Variants in PBX3 observed in about 807,000 individuals in gnomAD.
PBX3 encodes the protein pre-B-cell leukemia transcription factor 3.
A neutral mutation model predicts 48.5 loss-of-function variants in PBX3; 14 were observed. The observed-to-expected ratio is 0.29, with a 90% CI of 0.19 to 0.45. The LOEUF is 0.45. Among genes scored for constraint, PBX3 ranks in the 20% least tolerant of loss-of-function variants. The probability of loss-of-function intolerance (pLI) is 1.00; values close to 1 mark genes in which losing one functional copy is unlikely to be tolerated. For synonymous variants in PBX3, 210 were observed against 200.3 expected, an observed-to-expected ratio of 1.05 and a Z score of -0.41; for missense variants, 386 against 546.7, an observed-to-expected ratio of 0.71 and a Z score of 2.93.
At chr9:125,825,374 T>A (rs1238781849) in intron 2 of PBX3, among the ~76,000 whole-genome samples, 5 of 152,292 alleles carry the variant, frequency 3.3e-5, no homozygotes, top group South Asian at 2.1e-4. Context: ...AATTTAAAAA[T>A]TTTATTAGTT....
At chr9:125,910,730 C>T (rs1841184464) in intron 2 of PBX3, among the ~76,000 whole-genome samples, 1 of 150,224 alleles carries the variant, frequency 6.7e-6, no homozygotes, top group African/African-American at 2.5e-5. Context: ...GTGGGATGGG[C>T]TTTGGGGCCA....
chr9:125,954,596 C>T (rs1219834875), intron 5 of PBX3, among the ~76,000 whole-genome samples: 1 of 152,116 alleles, frequency 6.6e-6, no homozygotes, highest in African/African-American at 2.4e-5. Flanking sequence ...AGTGCAGTGG[C>T]GCAATCTTGG....
intron 2 of PBX3, among the ~76,000 whole-genome samples, chr9:125,894,220 T>C (rs569565967): frequency 1.1e-4 from 17 of 152,310 alleles, no homozygotes; most frequent in South Asian, 6.2e-4. Context: ...ACCCAAGCCA[T>C]AGAAGGTGGG....
At chr9:125,928,270 T>C (rs1234747116) in intron 3 of PBX3, among the ~76,000 whole-genome samples, 6 of 151,972 alleles carry the variant, frequency 3.9e-5, no homozygotes, top group African/African-American at 7.3e-5. Context: ...TCACAGCTAC[T>C]TGGGAAGCTG....
At chr9:125,960,529 C>G (rs1179619112) in intron 5 of PBX3, among the ~76,000 whole-genome samples, 155 bp from the exon 6 acceptor site, 1 of 152,122 alleles carries the variant, frequency 6.6e-6, no homozygotes, top group Non-Finnish European at 1.5e-5. Context: ...AGAAAATAAC[C>G]CCCAAAACCA....
intron 2 of PBX3, among the ~76,000 whole-genome samples, chr9:125,796,643 T>C (rs950424719): frequency 2.6e-5 from 4 of 152,186 alleles, no homozygotes; most frequent in African/African-American, 7.2e-5. Flanking sequence ...TCCCTCTCCT[T>C]CTTTAAATCA....
chr9:125,866,685 G>T (rs1839989915), intron 2 of PBX3, among the ~76,000 whole-genome samples: 3 of 152,158 alleles, frequency 2.0e-5, no homozygotes, highest in Non-Finnish European at 4.4e-5. Context: ...CTCGTTTCTA[G>T]CTAACAGGGC....
Position 125,960,788 on chromosome 9 carries a change from A to G in PBX3, c.948A>G (p.Ala316=). The part of the protein sequence containing the change: ...LYAAKTAVTA[A]HAVAAAVQNN... Reference sequence around the variant, plus strand: ...CTGCAAAGACGGCCGTGACAGCTGCACACGCAGTAGCAGCAGCTGTGCAGA... The same window carrying G: ...CTGCAAAGACGGCCGTGACAGCTGCGCACGCAGTAGCAGCAGCTGTGCAGA... Residue 316 remains alanine, a synonymous_variant, in exon 6 of 9, where the codon GCA becomes GCG. Coordinates refer to ENST00000373489, the MANE Select transcript of PBX3 (RefSeq NM_006195.6). 1.4e-5 allele frequency: 22 copies of G among 1,614,206 alleles called. No individual in the cohort carries two copies. Among genetic ancestry groups the G allele is most frequent in the Non-Finnish European group, 1.7e-5 (20 of 1,179,998 alleles).
chr9:125,829,104 A>C (rs1838886332), intron 2 of PBX3, among the ~76,000 whole-genome samples: 2 of 152,144 alleles, frequency 1.3e-5, no homozygotes, highest in Non-Finnish European at 2.9e-5. Context: ...CCATGCTACA[A>C]CATTTTTCAT....
chr9:125,801,887 C>G (rs1837960559), intron 2 of PBX3, among the ~76,000 whole-genome samples: 1 of 150,900 alleles, frequency 6.6e-6, no homozygotes, highest in African/African-American at 2.4e-5. Flanking sequence ...ACTAAAAACT[C>G]CAGTGTATAT....
chr9:125,815,317 A>T (rs759197030), intron 2 of PBX3, among the ~76,000 whole-genome samples: 5 of 152,066 alleles, frequency 3.3e-5, no homozygotes, highest in Non-Finnish European at 7.4e-5. Context: ...ACCACATTTC[A>T]TCTTTCTCTT....
chr9:125,779,599 C>T lies in PBX3; in HGVS notation c.274+30976C>T, dbSNP rs371041086. 3.9e-4 allele frequency among the ~76,000 whole-genome samples: 39 copies of T among 101,014 alleles called. 2 individuals carry two copies. In the East Asian group the frequency reaches 7.7e-3, roughly 20 times the overall value. The allele number at this position is 101,014 out of a possible 152,430, so 66.3% of individuals were successfully genotyped here. Reference sequence around the variant, plus strand: ...GGGTAAGGTCACAGATCAACAGGATCCCAAGGCAGAAGAATTTATCTTAGT... The same window carrying T: ...GGGTAAGGTCACAGATCAACAGGATTCCAAGGCAGAAGAATTTATCTTAGT... On this transcript the variant is annotated intron_variant, in intron 2 of 8. Transcript: ENST00000373489.
chr9:125,947,295 A>C (rs940433946), intron 5 of PBX3, among the ~76,000 whole-genome samples: 1 of 151,442 alleles, frequency 6.6e-6, no homozygotes, highest in African/African-American at 2.5e-5. Flanking sequence ...ACTGTTTAAA[A>C]TAAAGATAAT....
At chr9:125,816,414 G>A (rs985453913) in intron 2 of PBX3, among the ~76,000 whole-genome samples, 2 of 152,200 alleles carry the variant, frequency 1.3e-5, no homozygotes, top group African/African-American at 2.4e-5. Context: ...GATCCAGAGC[G>A]ATGCTTGCTT....
intron 2 of PBX3, among the ~76,000 whole-genome samples, chr9:125,808,117 G>T (rs1024782121): frequency 6.6e-6 from 1 of 152,144 alleles, no homozygotes; most frequent in African/African-American, 2.4e-5. Flanking sequence ...ATTCTGGATG[G>T]TGGTAAAAAT....
chr9:125,962,589 ACT>A (rs1425827310), intron 7 of PBX3, among the ~76,000 whole-genome samples: 1 of 152,132 alleles, frequency 6.6e-6, no homozygotes, highest in Admixed American at 6.5e-5. Context: ...TTAAATTATA[ACT>A]CTATAATTTC....
intron 2 of PBX3, among the ~76,000 whole-genome samples, chr9:125,810,512 T>G (rs997429336): frequency 2.0e-5 from 3 of 152,082 alleles, no homozygotes; most frequent in Non-Finnish European, 4.4e-5. Context: ...TCTCCATGAT[T>G]TCCACTTCTA....
At chr9:125,948,664 T>C (rs907349873) in intron 5 of PBX3, among the ~76,000 whole-genome samples, 19 of 151,864 alleles carry the variant, frequency 1.3e-4, no homozygotes, top group African/African-American at 4.4e-4. Context: ...TGTGTATGTA[T>C]GTATATACTG....
At chr9:125,913,764 T>TA (rs1016589609) in intron 2 of PBX3, among the ~76,000 whole-genome samples, 3 of 152,004 alleles carry the variant, frequency 2.0e-5, no homozygotes, top group African/African-American at 7.3e-5. Context: ...GAAGGTAGAT[T>TA]AAAAAAACAC....
Sources: allele counts gnomAD v4.1 joint callset (sites outside exome capture counted in the v4.1 genomes callset), GRCh38; gene constraint gnomAD v4.1.1; transcripts MANE v1.5; gene names NCBI Gene and HGNC (gene_info 2026-07-23, HGNC 2026-07-21).